SERPINC1: variants seen among roughly 807,000 people sequenced by gnomAD.
SERPINC1 encodes the protein serpin family C member 1.
Under a neutral mutation model 43.4 loss-of-function variants are expected in SERPINC1, and 12 were observed. The ratio of observed to expected loss-of-function variants is 0.28; its 90% CI spans 0.18 to 0.45. The LOEUF (loss-of-function observed/expected upper bound fraction) is 0.45, where lower values mean the gene tolerates loss of function less well. Among genes scored for constraint, SERPINC1 ranks in the 20% least tolerant of loss-of-function variants. The probability of loss-of-function intolerance (pLI) is 1.00; values close to 1 mark genes in which losing one functional copy is unlikely to be tolerated. For synonymous variants in SERPINC1, 210 were observed against 218.9 expected, an observed-to-expected ratio of 0.96 and a Z score of 0.36; for missense variants, 423 against 578.8, an observed-to-expected ratio of 0.73 and a Z score of 2.76.
At chr1:173,908,725 T>A (rs1248303630) in intron 5 of SERPINC1, among the ~76,000 whole-genome samples, 1 of 152,012 alleles carries the variant, frequency 6.6e-6, no homozygotes, top group African/African-American at 2.4e-5. Flanking sequence ...CATGCCTGGC[T>A]AATTTTTTTT....
intron 3 of SERPINC1, 86 bp from the exon 4 acceptor site, chr1:173,910,977 C>T: frequency 6.8e-7 from 1 of 1,460,706 alleles, no homozygotes; most frequent in African/African-American, 1.4e-5. Flanking sequence ...TTTTTCTCAC[C>T]ATCCCTCTGT....
chr1:173,915,071 G>A (rs1657933496), intron 1 of SERPINC1, 152 bp from the exon 2 acceptor site: 2 of 1,512,234 alleles, frequency 1.3e-6, no homozygotes, highest in Admixed American at 4.1e-5. Context: ...AGGGGCCCGG[G>A]ACAGGTTCAG....
At chr1:173,916,091 G>A (rs978441179) in intron 1 of SERPINC1, among the ~76,000 whole-genome samples, 1 of 152,028 alleles carries the variant, frequency 6.6e-6, no homozygotes, top group Non-Finnish European at 1.5e-5. Context: ...TTTAATAGTC[G>A]CCAACATGGA....
chr1:173,909,233 A>G (rs530337901), intron 5 of SERPINC1, among the ~76,000 whole-genome samples: 1 of 152,130 alleles, frequency 6.6e-6, no homozygotes, highest in African/African-American at 2.4e-5. Context: ...CCCAGCTCTT[A>G]ATATCTGTCT....
chr1:173,904,599 T>C lies in SERPINC1; in HGVS notation c.1219-534A>G, dbSNP rs547815129. 1.7e-3 allele frequency among the ~76,000 whole-genome samples: 255 copies of C among 152,338 alleles called. 2 individuals carry two copies. The highest frequency in any genetic ancestry group is 3.2e-3 in the Admixed American group (49 of 15,302). On this transcript the variant is annotated intron_variant, in intron 6 of 6. Coordinates refer to ENST00000367698, the MANE Select transcript of SERPINC1 (RefSeq NM_000488.4). ...AACAATGGTATTTGAACATGGCTGA[T>C]AAGCAGATCTAGAGGGAAACACCTT... is the stretch of plus-strand genomic sequence containing the variant.
At chr1:173,913,749 G>A (rs991167746) in intron 2 of SERPINC1, among the ~76,000 whole-genome samples, 3 of 152,072 alleles carry the variant, frequency 2.0e-5, no homozygotes, top group Admixed American at 6.5e-5. Context: ...CCAGCTACTC[G>A]GGAGGCTGAG....
intron 2 of SERPINC1, 72 bp downstream of exon 2, chr1:173,914,481 T>A: frequency 5.0e-6 from 8 of 1,587,824 alleles, no homozygotes; most frequent in Non-Finnish European, 6.9e-6. Context: ...TGAGGAATCA[T>A]TGGACTTGGG....
chr1:173,910,277 C>T (rs1316715754), intron 4 of SERPINC1, among the ~76,000 whole-genome samples: 1 of 152,122 alleles, frequency 6.6e-6, no homozygotes, highest in Admixed American at 6.5e-5. Flanking sequence ...ATGCATTTTA[C>T]TAGGTGAAAG....
At chr1:173,911,681 A>G in intron 3 of SERPINC1, 118 bp downstream of exon 3, 1 of 828,798 alleles carries the variant, frequency 1.2e-6, no homozygotes, top group Non-Finnish European at 2.1e-6. Flanking sequence ...ACTTTTAGTC[A>G]GCCCTCCAGC....
chr1:173,914,164 A>T (rs1657890118), intron 2 of SERPINC1, among the ~76,000 whole-genome samples: 3 of 152,252 alleles, frequency 2.0e-5, no homozygotes, highest in Middle Eastern at 3.4e-3. Flanking sequence ...CTCTTCTTCC[A>T]CCAGAGGAGG....
chr1:173,915,097 CA>C, intron 1 of SERPINC1, 178 bp from the exon 2 acceptor site: 1 of 1,469,310 alleles, frequency 6.8e-7, no homozygotes, highest in South Asian at 1.4e-5. Flanking sequence ...GACTTCTTGC[CA>C]GGGGACAGTT....
At position 173,914,825 on chromosome 1, in the gene SERPINC1, C is replaced by T. The variant is rs1657922481; in HGVS notation, c.136G>A (p.Asp46Asn). The T allele has an allele frequency of 6.2e-7, 1 of 1,614,200 alleles. No individual in the cohort carries two copies. The highest frequency in any genetic ancestry group is 1.3e-5 in the African/African-American group (1 of 75,048). The change falls in exon 2 of 7, where the codon GAC becomes AAC. Residue 46 changes from aspartate (D) to asparagine (N), a missense_variant. Transcript: ENST00000367698. ...ATGCACATGGGATTCATGGGAATGTCCCGCGGCTTGGCTGTGCAGATGTCC... is the reference window on the plus strand; with the variant it reads ...ATGCACATGGGATTCATGGGAATGTTCCGCGGCTTGGCTGTGCAGATGTCC... ...PVDICTAKPR[D>N]IPMNPMCIYR...
chr1:173,906,235 A>AGAT (rs1657504643), intron 6 of SERPINC1, among the ~76,000 whole-genome samples: 1 of 152,356 alleles, frequency 6.6e-6, no homozygotes, highest in Non-Finnish European at 1.5e-5. Flanking sequence ...AAAGCTCCCC[A>AGAT]GATAACTACT....
chr1:173,915,355 G>A (rs1657943063), intron 1 of SERPINC1, among the ~76,000 whole-genome samples: 1 of 152,174 alleles, frequency 6.6e-6, no homozygotes, highest in African/African-American at 2.4e-5. Context: ...AGCAACACAA[G>A]AGAAGTAAGA....
At chr1:173,916,132 AT>A (rs1177587927) in intron 1 of SERPINC1, among the ~76,000 whole-genome samples, 1 of 152,236 alleles carries the variant, frequency 6.6e-6, no homozygotes, top group Non-Finnish European at 1.5e-5. Flanking sequence ...CTAATTTCAC[AT>A]TTTAAAAAAA....
intron 4 of SERPINC1, 134 bp downstream of exon 4, chr1:173,910,620 C>G: frequency 1.4e-6 from 1 of 740,612 alleles, no homozygotes; most frequent in South Asian, 1.5e-5. Flanking sequence ...ACCTGCCCTG[C>G]TGACCTGTAC....
Position 173,910,824 on chromosome 1 carries a change from G to T in SERPINC1, c.692C>A (p.Thr231Asn). 1 of 1,614,086 alleles carries T rather than the reference G, an allele frequency of 6.2e-7. No homozygotes were observed. Among genetic ancestry groups the T allele is most frequent in the Non-Finnish European group, 8.5e-7 (1 of 1,179,924 alleles). Residue 231 changes from threonine to asparagine, a missense_variant, in exon 4 of 7, where the codon ACC becomes AAC. By Grantham distance (65) the Thr-to-Asn change is moderately conservative (BLOSUM62 0). Transcript: ENST00000367698. Reference protein sequence around the residue: ...WVSNKTEGRITDVIPSEAINE... With the variant: ...WVSNKTEGRINDVIPSEAINE... Reference sequence around the variant, plus strand: ...GATGGCTTCCGAGGGAATGACATCGGTGATTCGGCCTTCGGTCTTATTGGA... The same window carrying T: ...GATGGCTTCCGAGGGAATGACATCGTTGATTCGGCCTTCGGTCTTATTGGA...
chr1:173,917,209 C>T lies in SERPINC1; in HGVS notation c.41+10G>A, dbSNP rs959235353. The T allele has an allele frequency of 9.3e-6, 15 of 1,613,448 alleles. No homozygotes were observed. Among genetic ancestry groups the T allele is most frequent in the Non-Finnish European group, 1.3e-5 (15 of 1,179,448 alleles). On this transcript the variant is annotated intron_variant, in intron 1 of 6. Transcript: ENST00000367698. ...TAGGGGCAGGCAAGGGGAAAGCTCACCCCTCTTACCTTTTTCCAGAGGTTA... is the reference window on the plus strand; with the variant it reads ...TAGGGGCAGGCAAGGGGAAAGCTCATCCCTCTTACCTTTTTCCAGAGGTTA...
intron 6 of SERPINC1, 87 bp from the exon 7 acceptor site, chr1:173,904,152 T>C: frequency 7.9e-7 from 1 of 1,271,316 alleles, no homozygotes; most frequent in Admixed American, 1.7e-5. Context: ...CAGCAATTCC[T>C]CAAATGCTTT....
Sources: allele counts gnomAD v4.1 joint callset (sites outside exome capture counted in the v4.1 genomes callset), GRCh38; gene constraint gnomAD v4.1.1; transcripts MANE v1.5; gene names NCBI Gene and HGNC (gene_info 2026-07-23, HGNC 2026-07-21).